CABCOCO1: variants seen among roughly 807,000 people sequenced by gnomAD.
The protein encoded by CABCOCO1 is ciliary associated calcium binding coiled-coil 1.
Under a neutral mutation model 35.7 loss-of-function variants are expected in CABCOCO1, and 28 were observed. That is an observed-to-expected ratio of 0.78 (90% confidence interval 0.58 to 1.07). CABCOCO1 has a LOEUF of 1.07. Among genes scored for constraint, CABCOCO1 ranks in the 50% least tolerant of loss-of-function variants. The pLI, the probability that CABCOCO1 is intolerant of heterozygous loss-of-function variation, is 0.00. For synonymous variants in CABCOCO1, 95 were observed against 100.1 expected (o/e 0.95, Z 0.30); for missense variants, 326 against 309.2 (o/e 1.05, Z -0.41).
At chr10:61,712,876 G>A (rs111830174) in intron 5 of CABCOCO1, among the ~76,000 whole-genome samples, 1 of 152,012 alleles carries the variant, frequency 6.6e-6, no homozygotes, top group African/African-American at 2.4e-5. Flanking sequence ...CTCTGTTTTC[G>A]TACCAGTACC....
intron 5 of CABCOCO1, among the ~76,000 whole-genome samples, chr10:61,730,320 ACTC>A (rs1167100005): frequency 6.6e-6 from 1 of 151,972 alleles, no homozygotes; most frequent in Non-Finnish European, 1.5e-5. Flanking sequence ...GCTTGAAGGG[ACTC>A]CTCCTAGCCA....
At chr10:61,693,704 G>C (rs1270364048) in intron 5 of CABCOCO1, among the ~76,000 whole-genome samples, 1 of 151,978 alleles carries the variant, frequency 6.6e-6, no homozygotes, top group East Asian at 1.9e-4. Context: ...ATTTGAACTG[G>C]CTGGTCTTTT....
At chr10:61,741,769 G>C (rs1841554115) in intron 5 of CABCOCO1, among the ~76,000 whole-genome samples, 1 of 152,138 alleles carries the variant, frequency 6.6e-6, no homozygotes, top group Admixed American at 6.5e-5. Flanking sequence ...TGTTGAGATA[G>C]GTTAAGCACT....
At chr10:61,678,447 A>C (rs965663161) in intron 2 of CABCOCO1, among the ~76,000 whole-genome samples, 1 of 152,130 alleles carries the variant, frequency 6.6e-6, no homozygotes, top group Non-Finnish European at 1.5e-5. Context: ...CTGCCAGTTG[A>C]GGTGAATGCC....
At chr10:61,682,497 G>A (rs1419065942) in intron 3 of CABCOCO1, among the ~76,000 whole-genome samples, 1 of 152,162 alleles carries the variant, frequency 6.6e-6, no homozygotes, top group African/African-American at 2.4e-5. Context: ...TCCTGAGCAC[G>A]TAGCCAGGTC....
At chr10:61,723,982 C>G (rs942283731) in intron 5 of CABCOCO1, among the ~76,000 whole-genome samples, 5 of 152,040 alleles carry the variant, frequency 3.3e-5, no homozygotes, top group Admixed American at 3.3e-4. Flanking sequence ...AGTATGCTGG[C>G]TTTAAAAACC....
chr10:61,696,763 C>A (rs1840307141), intron 5 of CABCOCO1, among the ~76,000 whole-genome samples: 1 of 151,976 alleles, frequency 6.6e-6, no homozygotes, highest in African/African-American at 2.4e-5. Flanking sequence ...GTTGCAGCCC[C>A]CTAAAGTGCT....
intron 5 of CABCOCO1, among the ~76,000 whole-genome samples, chr10:61,716,243 T>C (rs1272933822): frequency 6.6e-6 from 1 of 152,156 alleles, no homozygotes. Context: ...TCTTTGTTAT[T>C]AACACACAAA....
intron 5 of CABCOCO1, among the ~76,000 whole-genome samples, chr10:61,695,483 T>G (rs1039599209): frequency 4.6e-5 from 7 of 151,952 alleles, no homozygotes; most frequent in African/African-American, 1.7e-4. Context: ...GGACATAGAT[T>G]TAGGATTTAC....
chr10:61,687,334 G>T (rs1215244554), intron 4 of CABCOCO1, among the ~76,000 whole-genome samples: 2 of 152,156 alleles, frequency 1.3e-5, no homozygotes, highest in Admixed American at 6.6e-5. Flanking sequence ...TCCAAAATTG[G>T]AGGAGAGCCT....
intron 5 of CABCOCO1, among the ~76,000 whole-genome samples, chr10:61,693,481 T>G (rs1356931017): frequency 6.6e-6 from 1 of 151,964 alleles, no homozygotes. Context: ...TGTGGATAGA[T>G]GAGAAAAAAA....
rs371906544 is a variant in CABCOCO1, at chr10:61,738,797, T to C, written c.553-21262T>C. On this transcript the variant is annotated intron_variant, in intron 5 of 7. Coordinates refer to ENST00000648843, the MANE Select transcript of CABCOCO1 (RefSeq NM_001366906.2). ...CCCAAATAACTTTGAATTTCAAATA[T>C]ATCAACTTGGCCTGCACTAATAGTA... Among the ~76,000 whole-genome samples, 10 of 152,336 alleles carry C rather than the reference T, an allele frequency of 6.6e-5. No homozygotes were observed. In the East Asian group the frequency reaches 1.2e-3, roughly 18 times the overall value.
At chr10:61,717,038 G>A (rs903163015) in intron 5 of CABCOCO1, among the ~76,000 whole-genome samples, 3 of 152,028 alleles carry the variant, frequency 2.0e-5, no homozygotes, top group African/African-American at 4.8e-5. Flanking sequence ...GAACACTACC[G>A]AATTCTTAAC....
intron 1 of CABCOCO1, among the ~76,000 whole-genome samples, chr10:61,665,865 C>G (rs1316385742): frequency 2.2e-5 from 3 of 139,248 alleles, no homozygotes; most frequent in Non-Finnish European, 4.7e-5. Context: ...CCAGCCTGGG[C>G]GACAGAGCGA....
At chr10:61,689,839 C>T (rs868249113) in intron 4 of CABCOCO1, among the ~76,000 whole-genome samples, 1 of 152,060 alleles carries the variant, frequency 6.6e-6, no homozygotes, top group Non-Finnish European at 1.5e-5. Context: ...ATTTTTAACT[C>T]TTAATAATGC....
chr10:61,674,988 A>AT (rs1379188837), intron 2 of CABCOCO1, among the ~76,000 whole-genome samples: 1 of 152,174 alleles, frequency 6.6e-6, no homozygotes, highest in African/African-American at 2.4e-5. Context: ...TCCATGAGCT[A>AT]TTTAGCTCTT....
chr10:61,728,800 T>C (rs1349788585), intron 5 of CABCOCO1, among the ~76,000 whole-genome samples: 1 of 152,138 alleles, frequency 6.6e-6, no homozygotes, highest in African/African-American at 2.4e-5. Context: ...GGGACTACTA[T>C]AGCCAGAGCC....
intron 6 of CABCOCO1, 117 bp from the exon 7 acceptor site, chr10:61,760,746 T>G: frequency 8.4e-7 from 1 of 1,191,794 alleles, no homozygotes; most frequent in Non-Finnish European, 1.1e-6. Flanking sequence ...ACTTTGCACT[T>G]GTATCCTGGA....
intron 5 of CABCOCO1, among the ~76,000 whole-genome samples, chr10:61,739,682 T>C (rs1841502590): frequency 6.6e-6 from 1 of 152,150 alleles, no homozygotes; most frequent in South Asian, 2.1e-4. Context: ...CTGGGTGCAG[T>C]GGCTCATGCC....
Sources: gnomAD v4.1 joint callset for allele counts (sites outside exome capture counted in the v4.1 genomes callset) on GRCh38, gnomAD v4.1.1 for gene constraint, MANE v1.5 for transcripts, NCBI Gene and HGNC (gene_info 2026-07-23, HGNC 2026-07-21) for gene names.